The following ADGRG6 variants were observed in gnomAD, a reference collection of about 807,000 sequenced individuals.
ADGRG6 encodes G-protein coupled receptor 126.
ADGRG6 carries 84 observed loss-of-function variants against 142.4 expected under a neutral mutation model. The observed-to-expected ratio is 0.59, with a 90% confidence interval of 0.49 to 0.71. The LOEUF (loss-of-function observed/expected upper bound fraction) is 0.71, where lower values mean the gene tolerates loss of function less well. Ranked by LOEUF, ADGRG6 falls within the 30% of genes least tolerant of loss-of-function variation. ADGRG6 has a pLI of 0.00. For synonymous variants in ADGRG6, 521 were observed against 520.5 expected, an observed-to-expected ratio of 1.00 and a Z score of -0.01; for missense variants, 1,367 against 1,466.6, an observed-to-expected ratio of 0.93 and a Z score of 1.11.
intron 2 of ADGRG6, among the ~76,000 whole-genome samples, chr6:142,342,875 A>G (rs1363709228): frequency 6.6e-6 from 1 of 151,852 alleles, no homozygotes; most frequent in Non-Finnish European, 1.5e-5. Flanking sequence ...TATTTTAGTA[A>G]GTAAAATGCT....
intron 6 of ADGRG6, among the ~76,000 whole-genome samples, chr6:142,386,449 T>A (rs1002487539): frequency 5.3e-5 from 8 of 152,166 alleles, no homozygotes; most frequent in African/African-American, 1.9e-4. Context: ...GAAACATTAG[T>A]GAAAACAAGT....
intron 2 of ADGRG6, among the ~76,000 whole-genome samples, chr6:142,334,281 A>G (rs1055246385): frequency 6.6e-6 from 1 of 152,198 alleles, no homozygotes; most frequent in Admixed American, 6.5e-5. Flanking sequence ...TGGCTAAAGG[A>G]AAAAGGTGGT....
At chr6:142,410,032 A>G (rs1288086524) in intron 17 of ADGRG6, 113 bp downstream of exon 17, 1 of 454,692 alleles carries the variant, frequency 2.2e-6, no homozygotes, top group Non-Finnish European at 4.0e-6. Context: ...TCACAATGTA[A>G]GTGTAAATGG....
In ADGRG6 at chr6:142,415,911, C is replaced by T. The variant is rs186655757; in HGVS notation, c.2785C>T (p.Leu929Phe). 2.0e-3 allele frequency: 3,162 copies of T among 1,613,588 alleles called. 28 individuals are homozygous for T. Among genetic ancestry groups the T allele is most frequent in the Middle Eastern group, 0.012 (75 of 6,056 alleles). Reference protein sequence around the residue: ...GWITSFNVDGLCIAVAVLLHF... With the variant: ...GWITSFNVDGFCIAVAVLLHF... ...GATCACCTCCTTCAATGTGGATGGA[C>T]TTTGCATTGCTGTTGCAGTCCTGTT... The change falls in exon 20 of 25, where the codon CTT (leucine) becomes TTT (phenylalanine). Residue 929 changes from leucine to phenylalanine, a missense_variant. Around this residue, in one of 3 missense-constraint regions of ADGRG6, gnomAD observed 286 missense variants for 371.4 expected, o/e 0.77. Coordinates refer to ENST00000367609, the MANE Select transcript of ADGRG6 (RefSeq NM_198569.3).
chr6:142,377,620 C>T (rs544443240), intron 4 of ADGRG6, among the ~76,000 whole-genome samples: 4 of 152,320 alleles, frequency 2.6e-5, no homozygotes, highest in African/African-American at 9.6e-5. Flanking sequence ...TGAACACATA[C>T]ACATCATATT....
chr6:142,365,097 C>T (rs567851773), intron 2 of ADGRG6, among the ~76,000 whole-genome samples: 6 of 152,246 alleles, frequency 3.9e-5, no homozygotes, highest in African/African-American at 1.4e-4. Context: ...GTGCCTATAA[C>T]TGGATAAATT....
In ADGRG6 at chr6:142,383,792, A is replaced by T; in HGVS notation, c.1171A>T (p.Thr391Ser). 2 of 1,577,184 alleles carry T rather than the reference A, an allele frequency of 1.3e-6. No homozygotes were observed. Among genetic ancestry groups the T allele is most frequent in the Non-Finnish European group, 1.7e-6 (2 of 1,147,012 alleles). ...AAACTCTCCTAGTACTACACCACCC[A>T]CTGTCACCACTAACATGCCTGTTAC... ...TVNSPSTTPPTVTTNMPVTNR... is the reference protein window; with the variant it reads ...TVNSPSTTPPSVTTNMPVTNR... Residue 391 changes from threonine to serine, a missense_variant, in exon 6 of 25, where the codon ACT (threonine) becomes TCT (serine). Around this residue, in one of 3 missense-constraint regions of ADGRG6, gnomAD observed 737 missense variants for 746.5 expected, o/e 0.99. Transcript: ENST00000367609.
chr6:142,420,067 C>T lies in ADGRG6; in HGVS notation c.3282C>T (p.Pro1094=), dbSNP rs1291089061. ...AFFAWGPLNI[P]FMYLFSIFNS... ...TTGCCTGGGGACCCTTAAATATCCC[C>T]TTCATGTACCTCTTCTCCATCTTCA... The change falls in exon 22 of 25, where the codon CCC becomes CCT. Residue 1094 remains proline (P), a synonymous_variant. Transcript: ENST00000367609. 3.1e-6 allele frequency: 5 copies of T among 1,612,630 alleles called. No individual in the cohort carries two copies. Among genetic ancestry groups the T allele is most frequent in the Non-Finnish European group, 4.2e-6 (5 of 1,178,870 alleles).
chr6:142,441,336 G>A (rs1057219541), intron 24 of ADGRG6, among the ~76,000 whole-genome samples: 1 of 152,172 alleles, frequency 6.6e-6, no homozygotes, highest in Admixed American at 6.6e-5. Context: ...ATTCATAGAA[G>A]TCATGTAAGT....
At chr6:142,312,482 T>G (rs1052982739) in intron 2 of ADGRG6, among the ~76,000 whole-genome samples, 1 of 152,026 alleles carries the variant, frequency 6.6e-6, no homozygotes, top group Non-Finnish European at 1.5e-5. Context: ...ATTTAGAATA[T>G]TTACACTTGT....
intron 2 of ADGRG6, among the ~76,000 whole-genome samples, chr6:142,341,593 T>TATA (rs1779651072): frequency 7.9e-6 from 1 of 126,844 alleles, no homozygotes; most frequent in African/African-American, 3.0e-5. Context: ...TATAATATTA[T>TATA]ATATTATATA....
intron 24 of ADGRG6, chr6:142,440,954 G>C: frequency 6.8e-7 from 1 of 1,472,200 alleles, no homozygotes; most frequent in Non-Finnish European, 9.1e-7. Flanking sequence ...GATCACTCAG[G>C]TAAACTTTCG....
chr6:142,334,425 G>A (rs1240849989), intron 2 of ADGRG6, among the ~76,000 whole-genome samples: 1 of 152,184 alleles, frequency 6.6e-6, no homozygotes, highest in Non-Finnish European at 1.5e-5. Flanking sequence ...AACATTAACA[G>A]ATTATAGAAG....
chr6:142,334,743 G>C (rs1224996151), intron 2 of ADGRG6, among the ~76,000 whole-genome samples: 2 of 152,008 alleles, frequency 1.3e-5, no homozygotes, highest in Non-Finnish European at 2.9e-5. Context: ...TGACTGTTTT[G>C]GTTACACCTT....
intron 24 of ADGRG6, among the ~76,000 whole-genome samples, chr6:142,442,934 A>G (rs1332493436): frequency 1.3e-5 from 2 of 152,062 alleles, no homozygotes; most frequent in African/African-American, 2.4e-5. Context: ...TTCCCTTCCT[A>G]TATTATTTGA....
intron 6 of ADGRG6, among the ~76,000 whole-genome samples, chr6:142,388,023 G>A (rs1392833432): frequency 6.6e-6 from 1 of 152,140 alleles, no homozygotes; most frequent in African/African-American, 2.4e-5. Context: ...TGTAAGAGAG[G>A]ACAACTTTAC....
At position 142,416,720 on chromosome 6, in the gene ADGRG6, A is replaced by G. The variant is rs975312867; in HGVS notation, c.2939-553A>G. Among the ~76,000 whole-genome samples the G allele has an allele frequency of 2.6e-5, 4 of 152,224 alleles. No homozygotes were observed. In the East Asian group the frequency reaches 7.7e-4, roughly 29 times the overall value. ...TTCAAAACCACCTCAGGAGGCAATAAGCACACTCTTCAGAGACCTGGGATG... is the reference window on the plus strand; with the variant it reads ...TTCAAAACCACCTCAGGAGGCAATAGGCACACTCTTCAGAGACCTGGGATG... On this transcript the variant is annotated intron_variant, in intron 20 of 24. Transcript: ENST00000367609.
chr6:142,412,145 ACTT>A (rs1460512216), intron 18 of ADGRG6, among the ~76,000 whole-genome samples: 2 of 152,132 alleles, frequency 1.3e-5, no homozygotes, highest in African/African-American at 4.8e-5. Context: ...GCATCCAGCG[ACTT>A]CTTTGAACTC....
chr6:142,350,895 T>G (rs1055386234), intron 2 of ADGRG6, among the ~76,000 whole-genome samples: 1 of 152,096 alleles, frequency 6.6e-6, no homozygotes, highest in Admixed American at 6.5e-5. Flanking sequence ...CTAAAATCCA[T>G]ACAGAACCAA....
Sources: gnomAD v4.1 joint callset for allele counts (sites outside exome capture counted in the v4.1 genomes callset) on GRCh38, gnomAD v4.1.1 for gene constraint, gnomAD v4.1.1 regional missense constraint, MANE v1.5 for transcripts, NCBI Gene and HGNC (gene_info 2026-07-23, HGNC 2026-07-21) for gene names.